Variants in ACOXL observed in about 807,000 individuals in gnomAD.
The protein encoded by ACOXL is acyl-CoA oxidase like.
Under a neutral mutation model 71.9 loss-of-function variants are expected in ACOXL, and 70 were observed. That is an observed-to-expected ratio of 0.97 (90% CI 0.80 to 1.19). The LOEUF (loss-of-function observed/expected upper bound fraction) is 1.19, where lower values mean the gene tolerates loss of function less well. ACOXL is among the 50% of genes most tolerant of loss of function. The pLI, the probability that ACOXL is intolerant of heterozygous loss-of-function variation, is 0.00. For missense variants in ACOXL, 703 were observed against 736.3 expected (o/e 0.95, Z 0.52); for synonymous variants, 253 against 281.6 (o/e 0.90, Z 1.02).
intron 15 of ACOXL, among the ~76,000 whole-genome samples, chr2:111,033,364 T>C (rs1310570197): frequency 6.6e-6 from 1 of 152,190 alleles, no homozygotes; most frequent in African/African-American, 2.4e-5. Flanking sequence ...TAAATCTAAA[T>C]GCCAGTTTAT....
At chr2:110,859,306 G>A (rs930099194) in intron 10 of ACOXL, among the ~76,000 whole-genome samples, 2 of 152,198 alleles carry the variant, frequency 1.3e-5, no homozygotes, top group Non-Finnish European at 2.9e-5. Flanking sequence ...TCTAGAGTGT[G>A]CGAGTGGTGG....
rs535986494 is a variant in ACOXL at position 110,980,812 on chromosome 2, C to T, written c.1060-6296C>T. On this transcript the variant is annotated intron_variant, in intron 12 of 17. Coordinates refer to ENST00000439055, the MANE Select transcript of ACOXL (RefSeq NM_001142807.4). The stretch of plus-strand genomic sequence containing the variant: ...CTGCTGCGTCTCTAAAGCCGCTCTG[C>T]CCGCGGCCCTGAAAGCCTTTGTTGC... Among the ~76,000 whole-genome samples, 4 of 152,338 alleles carry T rather than the reference C, an allele frequency of 2.6e-5. No homozygotes were observed. The South Asian group carries it at 8.3e-4, about 32-fold the overall frequency.
At chr2:110,959,257 T>C (rs955340527) in intron 12 of ACOXL, among the ~76,000 whole-genome samples, 3 of 152,164 alleles carry the variant, frequency 2.0e-5, no homozygotes, top group Admixed American at 6.5e-5. Context: ...CCCTGCACCA[T>C]GAACCCCAGG....
chr2:111,035,811 A>T (rs184309331), intron 15 of ACOXL, among the ~76,000 whole-genome samples: 48 of 152,346 alleles, frequency 3.2e-4, no homozygotes, highest in Admixed American at 1.6e-3. Flanking sequence ...TATGTTATCC[A>T]TTAGTGCTTG....
rs548455360 is a variant in ACOXL at position 110,802,562 on chromosome 2, A to G, written c.620+838A>G. ...GTAGTGGATGCCAAAAGCTTAAGAA[A>G]ATTATATGGGAAAAAACCTTAAAAA... On this transcript the variant is annotated intron_variant, in intron 8 of 17. Coordinates refer to ENST00000439055, the MANE Select transcript of ACOXL (RefSeq NM_001142807.4). Among the ~76,000 whole-genome samples, 3 of 152,146 alleles carry G rather than the reference A, an allele frequency of 2.0e-5. No individual in the cohort carries two copies. The South Asian group carries it at 6.3e-4, about 32-fold the overall frequency.
At chr2:110,817,602 T>G (rs952722525) in intron 9 of ACOXL, among the ~76,000 whole-genome samples, 1 of 152,190 alleles carries the variant, frequency 6.6e-6, no homozygotes, top group African/African-American at 2.4e-5. Context: ...TTCCAAGGAT[T>G]TGAGCTGTCT....
chr2:111,082,910 C>T (rs1276227978), intron 16 of ACOXL, among the ~76,000 whole-genome samples: 1 of 152,126 alleles, frequency 6.6e-6, no homozygotes, highest in Non-Finnish European at 1.5e-5. Context: ...TGGAAACTAT[C>T]ATTCTCACCA....
At chr2:110,801,802 C>A (rs1218881104) in intron 8 of ACOXL, 78 bp downstream of exon 8, 2 of 1,259,752 alleles carry the variant, frequency 1.6e-6, no homozygotes, top group Non-Finnish European at 2.3e-6. Flanking sequence ...GGTCTTGGGT[C>A]TCATGGGCTG....
intron 10 of ACOXL, among the ~76,000 whole-genome samples, chr2:110,901,851 C>T (rs991133531): frequency 6.6e-6 from 1 of 151,818 alleles, no homozygotes; most frequent in Non-Finnish European, 1.5e-5. Flanking sequence ...TATGGTGAAA[C>T]CCCATCTCTA....
intron 10 of ACOXL, among the ~76,000 whole-genome samples, chr2:110,851,905 G>A (rs1408618737): frequency 6.6e-6 from 1 of 152,252 alleles, no homozygotes; most frequent in African/African-American, 2.4e-5. Context: ...CCGCAGAGGT[G>A]AACATAGCCG....
At chr2:110,824,837 A>G (rs540156450) in intron 9 of ACOXL, among the ~76,000 whole-genome samples, 2 of 152,226 alleles carry the variant, frequency 1.3e-5, no homozygotes, top group Non-Finnish European at 2.9e-5. Context: ...ATTGTCTTTT[A>G]TCTTGGGAAT....
At chr2:110,759,813 C>T (rs886917798) in intron 1 of ACOXL, among the ~76,000 whole-genome samples, 2 of 151,954 alleles carry the variant, frequency 1.3e-5, no homozygotes, top group Non-Finnish European at 2.9e-5. Flanking sequence ...ATGATATTGT[C>T]TTCTATTAAT....
At position 111,024,364 on chromosome 2, in the gene ACOXL, A is replaced by G. The variant is rs551893750; in HGVS notation, c.1282-7263A>G. On this transcript the variant is annotated intron_variant, in intron 14 of 17. Transcript: ENST00000439055. ...TTAACCCAATATGACTGCTGTCTTT[A>G]TAAGAAGAGCAGAGACTCATGGAAG... Among the ~76,000 whole-genome samples the G allele has an allele frequency of 2.0e-5, 3 of 152,310 alleles. No homozygotes were observed. The South Asian group carries it at 6.2e-4, about 32-fold the overall frequency.
chr2:110,860,755 G>A (rs1693847132), intron 10 of ACOXL, among the ~76,000 whole-genome samples: 1 of 152,184 alleles, frequency 6.6e-6, no homozygotes, highest in African/African-American at 2.4e-5. Context: ...TCGAGTTCAT[G>A]TCTAGGTGAT....
chr2:111,099,643 T>C (rs1243521801), intron 17 of ACOXL: 1 of 152,266 alleles, frequency 6.6e-6, no homozygotes, highest in African/African-American at 2.4e-5. Flanking sequence ...TCCTGTGTCC[T>C]GGCCATTAAG....
At chr2:110,762,180 C>T (rs1308639241) in intron 1 of ACOXL, among the ~76,000 whole-genome samples, 2 of 152,072 alleles carry the variant, frequency 1.3e-5, no homozygotes, top group East Asian at 1.9e-4. Flanking sequence ...TTTTGATTAG[C>T]GTTCACATGG....
chr2:111,004,556 C>T (rs1485153234), intron 14 of ACOXL, among the ~76,000 whole-genome samples: 2 of 152,130 alleles, frequency 1.3e-5, no homozygotes, highest in African/African-American at 4.8e-5. Context: ...GAGTCCAGCC[C>T]CCTTGCTTCC....
intron 9 of ACOXL, among the ~76,000 whole-genome samples, chr2:110,830,539 T>A (rs1689695046): frequency 6.9e-6 from 1 of 145,488 alleles, no homozygotes; most frequent in African/African-American, 2.5e-5. Flanking sequence ...TTTTGTATAA[T>A]TTTTTTTTTT....
chr2:110,915,699 A>G (rs2149268242), intron 11 of ACOXL, among the ~76,000 whole-genome samples: 2 of 151,980 alleles, frequency 1.3e-5, no homozygotes, highest in South Asian at 4.1e-4. Flanking sequence ...AAGTGCTGGG[A>G]TTACAGGCGT....
Sources: allele counts gnomAD v4.1 joint callset (sites outside exome capture counted in the v4.1 genomes callset), GRCh38; gene constraint gnomAD v4.1.1; transcripts MANE v1.5; gene names NCBI Gene and HGNC (gene_info 2026-07-23, HGNC 2026-07-21).